Variants in TMTC1 observed in about 807,000 individuals in gnomAD.
TMTC1 encodes transmembrane O-mannosyltransferase targeting cadherins 1.
Under a neutral mutation model 104.8 loss-of-function variants are expected in TMTC1, and 73 were observed. The observed-to-expected ratio is 0.70, with a 90% CI of 0.58 to 0.85. The LOEUF (loss-of-function observed/expected upper bound fraction) is 0.85, where lower values mean the gene tolerates loss of function less well. Ranked by LOEUF, TMTC1 falls within the 40% of genes least tolerant of loss-of-function variation. TMTC1 has a pLI of 0.00. For synonymous variants in TMTC1, 434 were observed against 428.7 expected (o/e 1.01, Z -0.15); for missense variants, 1,035 against 1,096.1 (o/e 0.94, Z 0.79).
At chr12:29,769,084 G>A (rs1264077294) in intron 1 of TMTC1, among the ~76,000 whole-genome samples, 1 of 152,100 alleles carries the variant, frequency 6.6e-6, no homozygotes, top group Non-Finnish European at 1.5e-5. Context: ...TTCTCTTATA[G>A]AAACAGCTCT....
At chr12:29,743,086 A>T in intron 5 of TMTC1, among the ~76,000 whole-genome samples, 1 of 152,228 alleles carries the variant, frequency 6.6e-6, no homozygotes, top group East Asian at 1.9e-4. Context: ...AAGCTGTTTC[A>T]TGTACTACCT....
upstream of TMTC1, chr12:29,784,448 G>T (rs951083270): frequency 6.6e-6 from 1 of 152,176 alleles, no homozygotes; most frequent in African/African-American, 2.4e-5. Flanking sequence ...TCTCCTGCCC[G>T]GGCTTTCTCT....
chr12:29,695,064 T>C (rs186479955), intron 5 of TMTC1, among the ~76,000 whole-genome samples: 2 of 152,314 alleles, frequency 1.3e-5, no homozygotes, highest in African/African-American at 2.4e-5. Context: ...AATCCCTCTT[T>C]GCACAGCTCC....
chr12:29,580,651 T>C (rs1309604802), intron 8 of TMTC1, among the ~76,000 whole-genome samples: 1 of 152,150 alleles, frequency 6.6e-6, no homozygotes, highest in Non-Finnish European at 1.5e-5. Flanking sequence ...ATCTCTAGAA[T>C]TATTGTACAT....
intron 5 of TMTC1, among the ~76,000 whole-genome samples, chr12:29,668,849 T>C (rs571949306): frequency 5.9e-5 from 9 of 152,358 alleles, no homozygotes; most frequent in African/African-American, 2.2e-4. Flanking sequence ...TTCATACAAA[T>C]GAATGAAGTT....
Position 29,762,049 on chromosome 12 carries a change from T to C in TMTC1, c.481-3272A>G, listed in dbSNP as rs115228425. Among the ~76,000 whole-genome samples, 814 of 152,110 alleles carry C rather than the reference T, an allele frequency of 5.4e-3. 5 individuals carry two copies. Among genetic ancestry groups the C allele is most frequent in the African/African-American group, 0.018 (755 of 41,480 alleles). On this transcript the variant is annotated intron_variant, in intron 2 of 17. Coordinates refer to ENST00000539277, the MANE Select transcript of TMTC1 (RefSeq NM_001193451.2). ...AAAAATACAAATGCCTAGCCGGGTG[T>C]GCACCTGTGGTCCCAGCTACTCGGG...
chr12:29,767,810 A>ATT, intron 2 of TMTC1, 88 bp downstream of exon 2: 1 of 1,040,420 alleles, frequency 9.6e-7, no homozygotes, highest in Non-Finnish European at 1.3e-6. Flanking sequence ...ACATATTTAC[A>ATT]TGTATATATA....
chr12:29,511,336 A>C (rs896846436), intron 17 of TMTC1, among the ~76,000 whole-genome samples: 3 of 152,104 alleles, frequency 2.0e-5, no homozygotes, highest in African/African-American at 4.8e-5. Flanking sequence ...CACCATAAGA[A>C]CAGGAATTTT....
intron 7 of TMTC1, among the ~76,000 whole-genome samples, chr12:29,600,900 A>C (rs996613804): frequency 6.6e-6 from 1 of 152,216 alleles, no homozygotes; most frequent in Non-Finnish European, 1.5e-5. Flanking sequence ...ATAATGCTGC[A>C]AGGCATAGAT....
intron 5 of TMTC1, among the ~76,000 whole-genome samples, chr12:29,716,006 T>C (rs1046232806): frequency 1.5e-4 from 21 of 144,742 alleles, no homozygotes; most frequent in African/African-American, 3.9e-4. Flanking sequence ...TTATTATTAT[T>C]ATTATTATTA....
intron 10 of TMTC1, among the ~76,000 whole-genome samples, chr12:29,541,383 T>A (rs1208165639): frequency 1.3e-5 from 2 of 152,224 alleles, no homozygotes; most frequent in African/African-American, 4.8e-5. Context: ...CTGTGTTTCC[T>A]TAGGCAAATT....
chr12:29,733,117 T>C (rs1246541092), intron 5 of TMTC1, among the ~76,000 whole-genome samples: 1 of 152,196 alleles, frequency 6.6e-6, no homozygotes, highest in Non-Finnish European at 1.5e-5. Context: ...TTTTCTCCCA[T>C]GCAAAATATG....
intron 5 of TMTC1, among the ~76,000 whole-genome samples, chr12:29,663,555 C>T (rs1027479457): frequency 2.6e-5 from 4 of 152,000 alleles, no homozygotes; most frequent in Non-Finnish European, 2.9e-5. Context: ...TTACTCTTGT[C>T]GCCCAGGCTA....
chr12:29,602,697 C>A (rs1946599947), intron 7 of TMTC1, among the ~76,000 whole-genome samples: 1 of 151,894 alleles, frequency 6.6e-6, no homozygotes, highest in Non-Finnish European at 1.5e-5. Flanking sequence ...CAATTAATGA[C>A]AAAATAGCAT....
chr12:29,553,038 G>C (rs1383351483), intron 10 of TMTC1, among the ~76,000 whole-genome samples: 1 of 152,226 alleles, frequency 6.6e-6, no homozygotes, highest in Non-Finnish European at 1.5e-5. Flanking sequence ...ACTTCAGGGT[G>C]ATGGAAATCA....
chr12:29,613,931 C>A (rs1946911616), intron 6 of TMTC1: 1 of 981,178 alleles, frequency 1.0e-6, no homozygotes, highest in African/African-American at 1.8e-5. Context: ...ATTCATCTAT[C>A]CACTTGGAAT....
rs146707804 is a variant in TMTC1, at chr12:29,636,717, C to T, written c.939-3381G>A. Among the ~76,000 whole-genome samples the T allele has an allele frequency of 3.1e-3, 472 of 151,772 alleles. 2 individuals are homozygous for T. The highest frequency in any genetic ancestry group is 0.01 in the African/African-American group (416 of 41,366). ...CCTGTATTCCCAGCTATTTGGGAGGCTGAGGCAGGGGAATCTCTTGAACCT... is the reference window on the plus strand; with the variant it reads ...CCTGTATTCCCAGCTATTTGGGAGGTTGAGGCAGGGGAATCTCTTGAACCT... On this transcript the variant is annotated intron_variant, in intron 5 of 17. Transcript: ENST00000539277.
chr12:29,686,974 C>A (rs1565769372), intron 5 of TMTC1, among the ~76,000 whole-genome samples: 3 of 148,650 alleles, frequency 2.0e-5, no homozygotes, highest in Non-Finnish European at 3.0e-5. Flanking sequence ...ACATATGAGT[C>A]TATTTTTTAT....
intron 9 of TMTC1, among the ~76,000 whole-genome samples, chr12:29,567,101 C>T (rs1945537625): frequency 6.6e-6 from 1 of 152,208 alleles, no homozygotes; most frequent in Admixed American, 6.5e-5. Flanking sequence ...AAGGGGACAT[C>T]CCAGTTCCAG....
Sources: gnomAD v4.1 joint callset for allele counts (sites outside exome capture counted in the v4.1 genomes callset) on GRCh38, gnomAD v4.1.1 for gene constraint, MANE v1.5 for transcripts, NCBI Gene and HGNC (gene_info 2026-07-23, HGNC 2026-07-21) for gene names.